AK5: variants seen among roughly 807,000 people sequenced by gnomAD.
The protein encoded by AK5 is adenylate kinase 5, also known as adenylate kinase isoenzyme 5.
A neutral mutation model predicts 69.5 loss-of-function variants in AK5; 27 were observed. That is an observed-to-expected ratio of 0.39 (90% CI 0.29 to 0.54). The LOEUF is 0.54. Among genes scored for constraint, AK5 ranks in the 20% least tolerant of loss-of-function variants. The pLI, the probability that AK5 is intolerant of heterozygous loss-of-function variation, is 0.71. For synonymous variants in AK5, 260 were observed against 244.4 expected (o/e 1.06, Z -0.60); for missense variants, 531 against 700.4 (o/e 0.76, Z 2.73).
intron 13 of AK5, 74 bp downstream of exon 13, chr1:77,536,112 C>T: frequency 6.9e-7 from 1 of 1,456,064 alleles, no homozygotes; most frequent in Admixed American, 2.6e-5. Flanking sequence ...AGAGAAAAAG[C>T]TGAGAACATT....
intron 3 of AK5, among the ~76,000 whole-genome samples, chr1:77,295,949 T>C (rs1658979433): frequency 6.6e-6 from 1 of 152,178 alleles, no homozygotes; most frequent in Admixed American, 6.5e-5. Flanking sequence ...AAAGTTATGA[T>C]TCTTGTTATA....
chr1:77,516,039 C>T, intron 10 of AK5, among the ~76,000 whole-genome samples: 1 of 151,876 alleles, frequency 6.6e-6, no homozygotes, highest in East Asian at 1.9e-4. Flanking sequence ...CACTGTGCTC[C>T]AGCCTGGGGA....
intron 5 of AK5, among the ~76,000 whole-genome samples, chr1:77,306,496 T>C (rs201689713): frequency 2.9e-5 from 1 of 34,210 alleles, no homozygotes; most frequent in Admixed American, 2.6e-4. Flanking sequence ...TTTTTTTTGT[T>C]TTTTTTTTTT....
At chr1:77,380,745 G>A (rs763604042) in intron 6 of AK5, among the ~76,000 whole-genome samples, 5 of 152,144 alleles carry the variant, frequency 3.3e-5, no homozygotes, top group Non-Finnish European at 2.9e-5. Flanking sequence ...GATGTGTGCC[G>A]CAGAGACAAG....
chr1:77,354,289 T>C (rs1024471080), intron 6 of AK5, among the ~76,000 whole-genome samples: 1 of 152,238 alleles, frequency 6.6e-6, no homozygotes, highest in Non-Finnish European at 1.5e-5. Flanking sequence ...TATTCATTCA[T>C]CAATTTCTTT....
At chr1:77,405,997 T>G (rs1159093104) in intron 6 of AK5, among the ~76,000 whole-genome samples, 2 of 152,204 alleles carry the variant, frequency 1.3e-5, no homozygotes, top group Non-Finnish European at 2.9e-5. Flanking sequence ...GGCTAAAACA[T>G]AAATCTTTAA....
chr1:77,282,591 G>A, intron 1 of AK5: 1 of 1,331,942 alleles, frequency 7.5e-7, no homozygotes, highest in Non-Finnish European at 9.6e-7. Context: ...GCATCTCACA[G>A]ATCAAGTTTC....
chr1:77,492,093 G>A (rs1430984260), intron 10 of AK5, among the ~76,000 whole-genome samples: 1 of 152,162 alleles, frequency 6.6e-6, no homozygotes, highest in Admixed American at 6.5e-5. Context: ...AACTGATTCA[G>A]CTACTTAAAT....
chr1:77,417,590 A>G (rs1267440798), intron 7 of AK5, 49 bp from the exon 8 acceptor site: 3 of 1,153,992 alleles, frequency 2.6e-6, no homozygotes, highest in Admixed American at 3.5e-5. Context: ...TGCTTTAGAA[A>G]CATACATAGA....
intron 1 of AK5, 36 bp downstream of exon 1, chr1:77,282,409 G>C (rs1399549858): frequency 1.3e-6 from 2 of 1,529,334 alleles, no homozygotes; most frequent in South Asian, 1.3e-5. Context: ...GGTAGCATCC[G>C]GGGACTGCAT....
intron 6 of AK5, among the ~76,000 whole-genome samples, chr1:77,396,900 A>G (rs1422194404): frequency 1.3e-5 from 2 of 152,230 alleles, no homozygotes; most frequent in East Asian, 3.8e-4. Flanking sequence ...TTTGCCTATT[A>G]CCTAGCATAT....
intron 10 of AK5, among the ~76,000 whole-genome samples, chr1:77,510,681 G>T (rs1178223998): frequency 6.6e-6 from 1 of 151,880 alleles, no homozygotes; most frequent in African/African-American, 2.4e-5. Flanking sequence ...AAAAGAGAGC[G>T]TCAAGTTCTT....
chr1:77,556,636 T>G (rs1191444634), intron 13 of AK5, among the ~76,000 whole-genome samples: 1 of 152,228 alleles, frequency 6.6e-6, no homozygotes, highest in Non-Finnish European at 1.5e-5. Context: ...TGCAGCATTC[T>G]TTTTGTTGAT....
At chr1:77,521,988 C>A in intron 12 of AK5, 45 bp downstream of exon 12, 1 of 1,407,060 alleles carries the variant, frequency 7.1e-7, no homozygotes. Flanking sequence ...AAATAGGGGA[C>A]ATCCTTGAGG....
intron 8 of AK5, among the ~76,000 whole-genome samples, chr1:77,455,177 C>T (rs888646457): frequency 2.9e-5 from 4 of 139,026 alleles, no homozygotes; most frequent in African/African-American, 6.2e-5. Context: ...ATATCGCTAA[C>T]GCAGGAATTG....
At chr1:77,405,628 C>A (rs1045942307) in intron 6 of AK5, among the ~76,000 whole-genome samples, 1 of 152,196 alleles carries the variant, frequency 6.6e-6, no homozygotes, top group Non-Finnish European at 1.5e-5. Flanking sequence ...CTGTGCTGCT[C>A]CCTGAGCCCT....
At chr1:77,457,802 C>T (rs1176117598) in intron 8 of AK5, among the ~76,000 whole-genome samples, 1 of 152,194 alleles carries the variant, frequency 6.6e-6, no homozygotes, top group African/African-American at 2.4e-5. Flanking sequence ...GAGTAGGAGG[C>T]TCAGCCAGTG....
chr1:77,413,962 G>T (rs1415300221), intron 7 of AK5, among the ~76,000 whole-genome samples: 1 of 152,166 alleles, frequency 6.6e-6, no homozygotes, highest in Non-Finnish European at 1.5e-5. Context: ...AGTAAATACA[G>T]TGCTCTTCCT....
intron 7 of AK5, among the ~76,000 whole-genome samples, chr1:77,416,047 A>AT (rs148096437): frequency 0.014 from 2,108 of 150,602 alleles, 60 homozygotes; most frequent in African/African-American, 0.047. Context: ...ACATATATAG[A>AT]TTTTTTTTTT....
Sources: gnomAD v4.1 joint callset for allele counts (sites outside exome capture counted in the v4.1 genomes callset) on GRCh38, gnomAD v4.1.1 for gene constraint, MANE v1.5 for transcripts, NCBI Gene and HGNC (gene_info 2026-07-23, HGNC 2026-07-21) for gene names.